ZNF565: variants seen among roughly 807,000 people sequenced by gnomAD.
ZNF565 encodes the protein zinc finger protein 565.
ZNF565 carries 27 observed loss-of-function variants against 39.4 expected under a neutral mutation model. The observed-to-expected ratio is 0.69, with a 90% CI of 0.51 to 0.95. The LOEUF (loss-of-function observed/expected upper bound fraction) is 0.95. ZNF565 is among the 40% of genes least tolerant of loss of function. The probability of loss-of-function intolerance (pLI) is 0.00; values close to 1 mark genes in which losing one functional copy is unlikely to be tolerated. For synonymous variants in ZNF565, 185 were observed against 216.6 expected (o/e 0.85, Z 1.28); for missense variants, 524 against 621.1 (o/e 0.84, Z 1.66).
intron 4 of ZNF565, among the ~76,000 whole-genome samples, chr19:36,187,121 C>T (rs1321828355): frequency 6.6e-6 from 1 of 151,264 alleles, no homozygotes; most frequent in African/African-American, 2.4e-5. Context: ...ACCCAGGGGG[C>T]GGAGGTTGCG....
intron 4 of ZNF565, among the ~76,000 whole-genome samples, chr19:36,184,079 TA>T (rs752744030): frequency 1.1e-3 from 45 of 39,232 alleles, no homozygotes; most frequent in Middle Eastern, 0.033. Flanking sequence ...CTCTGTCTCA[TA>T]AAAAAAAAAA....
chr19:36,223,392 T>TAG (rs1274388336), intron 1 of ZNF565, among the ~76,000 whole-genome samples: 1 of 151,806 alleles, frequency 6.6e-6, no homozygotes, highest in East Asian at 1.9e-4. Flanking sequence ...AGATGGAGTA[T>TAG]CTCTCCGTCC....
At chr19:36,197,367 G>A (rs558684107) in intron 2 of ZNF565, among the ~76,000 whole-genome samples, 1 of 152,078 alleles carries the variant, frequency 6.6e-6, no homozygotes, top group Non-Finnish European at 1.5e-5. Context: ...AGCTACTAGG[G>A]AGGCTGAGGC....
At chr19:36,212,309 G>C (rs1168918892) in intron 1 of ZNF565, among the ~76,000 whole-genome samples, 1 of 152,032 alleles carries the variant, frequency 6.6e-6, no homozygotes, top group African/African-American at 2.4e-5. Context: ...CGTGTCAAAG[G>C]AGTTACAAAA....
At position 36,183,287 on chromosome 19, in the gene ZNF565, C is replaced by T; in HGVS notation, c.679G>A (p.Asp227Asn). Residue 227 changes from aspartate to asparagine, a missense_variant, in exon 5 of 5, where the codon GAC (aspartate) becomes AAC (asparagine). Physicochemically the swap from Asp to Asn is conservative, Grantham distance 23 (BLOSUM62 1). Transcript: ENST00000304116. ...GTACGACCAAAGGCCTTCCCACAGT[C>T]CTTACAGTCATAAGGTTTCTCACCC... ...HTGEKPYDCK[D>N]CGKAFGRTSE... The T allele has an allele frequency of 2.5e-6, 4 of 1,614,174 alleles. No individual in the cohort carries two copies. The Admixed American group carries it at 5.0e-5, about 20-fold the overall frequency.
chr19:36,193,441 C>CTTT (rs918390781), intron 4 of ZNF565, among the ~76,000 whole-genome samples: 1 of 131,848 alleles, frequency 7.6e-6, no homozygotes, highest in Non-Finnish European at 1.6e-5. Context: ...TTTCTTTTTT[C>CTTT]TTTTTTTTTT....
At chr19:36,221,081 G>T (rs1295744949) in intron 1 of ZNF565, among the ~76,000 whole-genome samples, 4 of 151,846 alleles carry the variant, frequency 2.6e-5, no homozygotes, top group African/African-American at 7.3e-5. Context: ...TCGAACTCCT[G>T]ACTTCCTACT....
At chr19:36,232,074 A>G (rs1306324190) in intron 1 of ZNF565, among the ~76,000 whole-genome samples, 1 of 151,776 alleles carries the variant, frequency 6.6e-6, no homozygotes, top group Non-Finnish European at 1.5e-5. Flanking sequence ...GTGGTGATGC[A>G]CACCTATCGT....
intron 1 of ZNF565, among the ~76,000 whole-genome samples, chr19:36,224,912 A>T (rs768799601): frequency 2.0e-5 from 3 of 152,154 alleles, no homozygotes; most frequent in Non-Finnish European, 4.4e-5. Flanking sequence ...GTTGCTATGA[A>T]TGGAGTCATT....
chr19:36,187,359 CAG>C (rs1975340171), intron 4 of ZNF565, among the ~76,000 whole-genome samples: 1 of 151,540 alleles, frequency 6.6e-6, no homozygotes, highest in African/African-American at 2.4e-5. Context: ...TTTTTTGAGA[CAG>C]AGTCTCTTTT....
chr19:36,184,079 TAAA>T (rs752744030), intron 4 of ZNF565, among the ~76,000 whole-genome samples: 17 of 39,246 alleles, frequency 4.3e-4, no homozygotes, highest in Non-Finnish European at 7.1e-4. Flanking sequence ...CTCTGTCTCA[TAAA>T]AAAAAAAAAA....
intron 1 of ZNF565, among the ~76,000 whole-genome samples, chr19:36,242,555 G>A (rs1424876333): frequency 6.6e-6 from 1 of 151,838 alleles, no homozygotes; most frequent in Non-Finnish European, 1.5e-5. Flanking sequence ...GGTGAAACCC[G>A]TCTCTACTAA....
At chr19:36,193,601 C>G (rs1457939906) in intron 4 of ZNF565, among the ~76,000 whole-genome samples, 1 of 151,698 alleles carries the variant, frequency 6.6e-6, no homozygotes, top group Non-Finnish European at 1.5e-5. Flanking sequence ...CCACCACACC[C>G]GGCTAATTTT....
chr19:36,209,710 T>G (rs952025796), intron 1 of ZNF565, among the ~76,000 whole-genome samples: 1 of 152,136 alleles, frequency 6.6e-6, no homozygotes, highest in East Asian at 1.9e-4. Context: ...ATGAACAATC[T>G]ATATTACACA....
At chr19:36,240,833 G>A (rs1977786641) in intron 1 of ZNF565, among the ~76,000 whole-genome samples, 1 of 150,938 alleles carries the variant, frequency 6.6e-6, no homozygotes, top group African/African-American at 2.4e-5. Flanking sequence ...TCGTGCTACT[G>A]CACTCCAGCC....
At chr19:36,194,508 T>G (rs1975687576) in intron 3 of ZNF565, 180 bp from the exon 4 acceptor site, 1 of 521,146 alleles carries the variant, frequency 1.9e-6, no homozygotes. Context: ...AAACAATTTT[T>G]CAGTCACCAG....
intron 4 of ZNF565, among the ~76,000 whole-genome samples, chr19:36,186,052 A>G (rs1406267613): frequency 6.8e-6 from 1 of 147,988 alleles, no homozygotes; most frequent in Non-Finnish European, 1.5e-5. Flanking sequence ...GCTGGAGTAC[A>G]GTGGTGCGAT....
chr19:36,236,608 G>A (rs1252446049), intron 1 of ZNF565: 2 of 1,614,088 alleles, frequency 1.2e-6, no homozygotes, highest in Non-Finnish European at 1.7e-6. Context: ...TTAGCCAAAA[G>A]CAGTATGTCA....
intron 1 of ZNF565, among the ~76,000 whole-genome samples, chr19:36,203,915 A>G (rs535390059): frequency 6.6e-6 from 1 of 151,790 alleles, no homozygotes; most frequent in African/African-American, 2.4e-5. Flanking sequence ...TTAGAGGTCC[A>G]AGAAGCTTCC....
Sources: allele counts gnomAD v4.1 joint callset (sites outside exome capture counted in the v4.1 genomes callset), GRCh38; gene constraint gnomAD v4.1.1; transcripts MANE v1.5; gene names NCBI Gene and HGNC (gene_info 2026-07-23, HGNC 2026-07-21).